The following ALG12 variants were observed in gnomAD, a reference collection of about 807,000 sequenced individuals.
ALG12 encodes dol-P-Man:Man(7)GlcNAc(2)-PP-Dol alpha-1,6-mannosyltransferase.
A neutral mutation model predicts 46.0 loss-of-function variants in ALG12; 36 were observed. The observed-to-expected ratio is 0.78, with a 90% CI of 0.60 to 1.03. ALG12 has a LOEUF of 1.03. Ranked by LOEUF, ALG12 falls within the 50% of genes least tolerant of loss-of-function variation. The pLI is 0.00. For missense variants in ALG12, 599 were observed against 633.5 expected (o/e 0.95, Z 0.58); for synonymous variants, 326 against 291.6 (o/e 1.12, Z -1.20).
At chr22:49,869,049 A>G in the ALG12 span, among the ~76,000 whole-genome samples, 91 of 151,088 alleles carry the variant, frequency 6.0e-4, no homozygotes, top group Middle Eastern at 3.4e-3. Context: ...ACTTGAACCC[A>G]GGAGGCGGAG....
At chr22:49,912,046 CAGCCTCGGCCGCGGG>C (rs2060580506) in intron 3 of ALG12, among the ~76,000 whole-genome samples, 1 of 150,944 alleles carries the variant, frequency 6.6e-6, no homozygotes, top group African/African-American at 2.4e-5. Flanking sequence ...GCCCCGGGAT[CAGCCTCGGCCGCGGG>C]ATCAGCCTGG....
chr22:49,917,623 G>C (rs1202970982), intron 1 of ALG12, among the ~76,000 whole-genome samples: 2 of 152,010 alleles, frequency 1.3e-5, no homozygotes, highest in Non-Finnish European at 2.9e-5. Flanking sequence ...AGCTGAGATC[G>C]CGCCACTGCA....
rs149528683 is a variant in ALG12, at chr22:49,911,580, G to A, written c.296-973C>T. Among the ~76,000 whole-genome samples, 583 of 152,182 alleles carry A rather than the reference G, an allele frequency of 3.8e-3. 5 individuals are homozygous for A. The highest frequency in any genetic ancestry group is 0.013 in the African/African-American group (524 of 41,522). ...CTCCGGAGTAGCTGGGATTATAGGC[G>A]CATGCCAACACGCCCGGCTAATTTT... On this transcript the variant is annotated intron_variant, in intron 3 of 9. Coordinates refer to ENST00000330817, the MANE Select transcript of ALG12 (RefSeq NM_024105.4).
At position 49,913,694 on chromosome 22, in the gene ALG12, G is replaced by A. The variant is rs976953052; in HGVS notation, c.72C>T (p.His24=). Residue 24 remains histidine (H), a synonymous_variant, in exon 2 of 10, where the codon CAC becomes CAT. Transcript: ENST00000330817. ...CTTTGGTGTAGGGACAGATGACCAG[G>A]TGGACAGTGGCTACGGCCACCAGCA... The part of the protein sequence containing the change: ...LGLLVAVATV[H]LVICPYTKVE... 2.7e-5 allele frequency: 44 copies of A among 1,614,050 alleles called. No homozygotes were observed. Among genetic ancestry groups the A allele is most frequent in the Non-Finnish European group, 3.6e-5 (43 of 1,180,028 alleles).
At chr22:49,915,042 G>A (rs2060601853) in intron 1 of ALG12, among the ~76,000 whole-genome samples, 1 of 152,228 alleles carries the variant, frequency 6.6e-6, no homozygotes. Flanking sequence ...ACTATCTTTT[G>A]ATCAAACGGA....
chr22:49,886,596 C>T, the ALG12 span: 19 of 1,559,194 alleles, frequency 1.2e-5, no homozygotes, highest in South Asian at 2.4e-5. The surrounding 1 kb of genome is among the most constrained non-coding windows in gnomAD (Gnocchi z 7.7). Flanking sequence ...CGATGGGCAT[C>T]GACACCATGC....
At chr22:49,898,406 T>C (rs918826134), downstream of ALG12, among the ~76,000 whole-genome samples, 1 of 152,010 alleles carries the variant, frequency 6.6e-6, no homozygotes, top group Non-Finnish European at 1.5e-5. Flanking sequence ...TCTTTTTTTT[T>C]TTGAGATGGA....
At chr22:49,884,757 G>A in the ALG12 span, 83 of 1,596,264 alleles carry the variant, frequency 5.2e-5, no homozygotes, top group Middle Eastern at 5.0e-4. Flanking sequence ...TGCTGCCGCC[G>A]GAGGGGGAGC....
Position 49,905,714 on chromosome 22 carries a change from G to A in ALG12, c.993-1208C>T, listed in dbSNP as rs1020008940. 2.6e-5 allele frequency among the ~76,000 whole-genome samples: 4 copies of A among 152,224 alleles called. No individual in the cohort carries two copies. Among genetic ancestry groups the A allele is most frequent in the South Asian group, 4.1e-4 (2 of 4,832 alleles). ...CGCTTCCCGTACAGCCTGCGGAACC[G>A]CGAGCCAATGAAGCCTCCTCTTTAT... On this transcript the variant is annotated intron_variant, in intron 7 of 9. Coordinates refer to ENST00000330817, the MANE Select transcript of ALG12 (RefSeq NM_024105.4). This position sits in a 1 kb window ranked among gnomAD's most constrained non-coding sequence, Gnocchi z 4.9.
chr22:49,866,038 A>G, the ALG12 span, among the ~76,000 whole-genome samples: 2,371 of 152,094 alleles, frequency 0.016, 29 homozygotes, highest in Middle Eastern at 0.027. Context: ...TGTCTTAACT[A>G]TGTTATTCTA....
the ALG12 span, among the ~76,000 whole-genome samples, chr22:49,875,944 C>CT: frequency 0.65 from 95,522 of 146,608 alleles, 34,856 homozygotes; most frequent in East Asian, 0.85. Context: ...GATTTTTTTT[C>CT]TTTTTTTTTT....
the ALG12 span, chr22:49,887,137 T>C: frequency 6.2e-7 from 1 of 1,613,224 alleles, no homozygotes; most frequent in Non-Finnish European, 8.5e-7. Context: ...AAAACTTATC[T>C]TTTTGAAAGT....
At chr22:49,890,864 A>G in the ALG12 span, among the ~76,000 whole-genome samples, 1 of 152,102 alleles carries the variant, frequency 6.6e-6, no homozygotes, top group Non-Finnish European at 1.5e-5. Flanking sequence ...CACTAAAAAT[A>G]CAAAAAATTA....
rs2060512939 is a variant in ALG12, at chr22:49,902,134, TGTGTGTG to T, written c.*1697_*1703del. 1 of 115,862 alleles carries T rather than the reference TGTGTGTG, an allele frequency of 8.6e-6. No individual in the cohort carries two copies. Among genetic ancestry groups the T allele is most frequent in the South Asian group, 2.8e-4 (1 of 3,604 alleles). 7.2% of individuals were successfully genotyped at this position (115,862 alleles called of 1,614,324 possible). A position where few individuals can be genotyped will look rare whatever the true frequency, so the allele number is the denominator to read the frequency against. Reference sequence around the variant, plus strand: ...TGCATGGTAATGTGCACGTGTGCACTGTGTGTGGTGTGTATGCATGGTGTGTGCACGT... The same window carrying T: ...TGCATGGTAATGTGCACGTGTGCACTGTGTGTATGCATGGTGTGTGCACGT... On this transcript the variant is annotated 3_prime_UTR_variant, in exon 10 of 10. Coordinates refer to ENST00000330817, the MANE Select transcript of ALG12 (RefSeq NM_024105.4).
At chr22:49,888,948 C>T in the ALG12 span, 1 of 167,254 alleles carries the variant, frequency 6.0e-6, no homozygotes, top group South Asian at 2.1e-4. Flanking sequence ...TAGCTGTGCT[C>T]ACGACCAGCT....
chr22:49,869,200 TGGC>T, the ALG12 span, among the ~76,000 whole-genome samples: 2 of 151,972 alleles, frequency 1.3e-5, no homozygotes, highest in African/African-American at 4.8e-5. Flanking sequence ...AGGGCAGAGT[TGGC>T]GGTGTCAGTG....
Position 49,904,453 on chromosome 22 carries a change from A to T in ALG12, c.1046T>A (p.Ile349Asn). The change falls in exon 8 of 10, where the codon ATC becomes AAC. Residue 349 changes from isoleucine to asparagine, a missense_variant. By Grantham distance (149) the Ile-to-Asn change is moderately radical (BLOSUM62 -3). Coordinates refer to ENST00000330817, the MANE Select transcript of ALG12 (RefSeq NM_024105.4). ...GGCGGCATTCACCACGAGGTGTCCG[A>T]TCACAAGCAGAGACCCCGCTTTGTA... ...WLYKAGSLLVIGHLVVNAAYS... is the reference protein window; with the variant it reads ...WLYKAGSLLVNGHLVVNAAYS... The T allele has an allele frequency of 6.2e-7, 1 of 1,614,208 alleles. No homozygotes were observed. The highest frequency in any genetic ancestry group is 8.5e-7 in the Non-Finnish European group (1 of 1,180,042).
the ALG12 span, among the ~76,000 whole-genome samples, chr22:49,874,672 C>CCTTTTTTT: frequency 8.0e-5 from 3 of 37,314 alleles, no homozygotes; most frequent in African/African-American, 3.3e-4. Context: ...CATGCCCAGC[C>CCTTTTTTT]TTTTTTTTTT....
At chr22:49,861,566 T>TG in the ALG12 span, among the ~76,000 whole-genome samples, 1 of 152,222 alleles carries the variant, frequency 6.6e-6, no homozygotes, top group African/African-American at 2.4e-5. Flanking sequence ...CCTGAGTAGC[T>TG]GGGACTACAG....
Sources: gnomAD v4.1 joint callset for allele counts (sites outside exome capture counted in the v4.1 genomes callset) on GRCh38, gnomAD v4.1.1 for gene constraint, Gnocchi (gnomAD v3.1) non-coding constraint, MANE v1.5 for transcripts, NCBI Gene and HGNC (gene_info 2026-07-23, HGNC 2026-07-21) for gene names.